Variants in KCNMB3 observed in about 807,000 individuals in gnomAD.
KCNMB3 encodes calcium-activated potassium channel subunit beta-3.
A neutral mutation model predicts 11.9 loss-of-function variants in KCNMB3; 18 were observed. The ratio of observed to expected loss-of-function variants is 1.51; its 90% CI spans 1.04 to 2.23. The LOEUF is 2.23. Among genes scored for constraint, KCNMB3 ranks in the 30% most tolerant of loss-of-function variants. The probability of loss-of-function intolerance (pLI) is 0.00; values close to 1 mark genes in which losing one functional copy is unlikely to be tolerated. For missense variants in KCNMB3, 247 were observed against 329.4 expected, an observed-to-expected ratio of 0.75 and a Z score of 1.94; for synonymous variants, 78 against 119.2, an observed-to-expected ratio of 0.65 and a Z score of 2.25.
At chr3:179,248,325 A>G (rs956412510) in intron 1 of KCNMB3, among the ~76,000 whole-genome samples, 7 of 152,220 alleles carry the variant, frequency 4.6e-5, no homozygotes, top group Non-Finnish European at 8.8e-5. Flanking sequence ...CATATACTTA[A>G]TAAGTAGCAA....
At chr3:179,252,720 T>G (rs1209042805), upstream of KCNMB3, among the ~76,000 whole-genome samples, 35 of 151,506 alleles carry the variant, frequency 2.3e-4, no homozygotes, top group Non-Finnish European at 4.4e-5. Context: ...TTAATGAAAT[T>G]TGAACCTGTA....
At chr3:179,260,128 C>T (rs1449349011) in intron 1 of KCNMB3, 1 of 1,605,900 alleles carries the variant, frequency 6.2e-7, no homozygotes, top group Admixed American at 1.7e-5. Flanking sequence ...GGACATGAGG[C>T]CACTGTGTCT....
chr3:179,266,937 CT>C, exon 1 of KCNMB3: 1 of 1,358,768 alleles, frequency 7.4e-7, no homozygotes, highest in Non-Finnish European at 9.5e-7. Flanking sequence ...GCGGTCAGTT[CT>C]AGATGATCAA....
At chr3:179,243,738 G>GACCCACA (rs981088918) in intron 2 of KCNMB3, among the ~76,000 whole-genome samples, 24 of 152,168 alleles carry the variant, frequency 1.6e-4, no homozygotes, top group African/African-American at 5.8e-4. Flanking sequence ...TTTTGCTCTA[G>GACCCACA]ACTCACAGAG....
At chr3:179,254,549 G>A (rs151096436), upstream of KCNMB3, among the ~76,000 whole-genome samples, 138 of 152,268 alleles carry the variant, frequency 9.1e-4, no homozygotes, top group African/African-American at 2.9e-3. Flanking sequence ...AATGGCTCAC[G>A]CCTGTAATCC....
chr3:179,248,498 T>G (rs1053322839), intron 1 of KCNMB3, among the ~76,000 whole-genome samples: 6 of 151,914 alleles, frequency 3.9e-5, no homozygotes, highest in Non-Finnish European at 7.4e-5. Flanking sequence ...GAGACCAAGG[T>G]AGAAGGATGA....
intron 1 of KCNMB3, among the ~76,000 whole-genome samples, chr3:179,246,912 A>G (rs1317895401): frequency 6.6e-6 from 1 of 152,222 alleles, no homozygotes; most frequent in Non-Finnish European, 1.5e-5. Context: ...CTAAAAAATA[A>G]GCATGTTCCT....
intron 1 of KCNMB3, chr3:179,259,153 C>G (rs1726118875): frequency 6.4e-7 from 1 of 1,568,232 alleles, no homozygotes; most frequent in African/African-American, 1.4e-5. Context: ...CTATTGCTGT[C>G]TAAAGCTTTC....
upstream of KCNMB3, among the ~76,000 whole-genome samples, chr3:179,252,818 G>A (rs1053954514): frequency 3.3e-4 from 48 of 147,466 alleles, no homozygotes; most frequent in African/African-American, 1.0e-3. Context: ...TGCAACCTCC[G>A]TCTCCCGGGT....
intron 1 of KCNMB3, among the ~76,000 whole-genome samples, chr3:179,264,578 G>A (rs1260526265): frequency 6.6e-6 from 1 of 152,106 alleles, no homozygotes; most frequent in Non-Finnish European, 1.5e-5. Flanking sequence ...TTCCCACCCA[G>A]CCCAAGTACG....
At chr3:179,260,590 C>A in intron 1 of KCNMB3, 1 of 1,505,554 alleles carries the variant, frequency 6.6e-7, no homozygotes, top group Non-Finnish European at 9.2e-7. Flanking sequence ...GGGCATTTAA[C>A]TCTTCTTTCG....
intron 1 of KCNMB3, among the ~76,000 whole-genome samples, chr3:179,245,374 A>G (rs557369381): frequency 6.6e-6 from 1 of 152,340 alleles, no homozygotes; most frequent in Admixed American, 6.5e-5. Context: ...TCAGTAGAAT[A>G]CTTACCATAT....
At chr3:179,259,552 G>GT in intron 1 of KCNMB3, 1 of 1,610,220 alleles carries the variant, frequency 6.2e-7, no homozygotes, top group East Asian at 2.2e-5. Flanking sequence ...GCAATTTTCT[G>GT]TTTTGGATTT....
upstream of KCNMB3, among the ~76,000 whole-genome samples, chr3:179,252,731 C>CTTTT (rs386398672): frequency 7.8e-6 from 1 of 128,570 alleles, no homozygotes; most frequent in African/African-American, 3.0e-5. Context: ...TGAACCTGTA[C>CTTTT]TTTTTTTTTT....
intron 1 of KCNMB3, chr3:179,260,244 C>T: frequency 6.2e-7 from 1 of 1,613,950 alleles, no homozygotes; most frequent in Non-Finnish European, 8.5e-7. Context: ...AGTTCTGGTC[C>T]TGTCATCTGG....
chr3:179,264,539 T>C lies in KCNMB3; in HGVS notation c.62+2110A>G, dbSNP rs567082024. Among the ~76,000 whole-genome samples, 4 of 152,314 alleles carry C rather than the reference T, an allele frequency of 2.6e-5. No homozygotes were observed. In the South Asian group the frequency reaches 8.3e-4, roughly 32 times the overall value. Reference sequence around the variant, plus strand: ...AATCAAGGCAATATCCACCACCTTCTATTCTCTTCACTGCAGATAGGACTG... The same window carrying C: ...AATCAAGGCAATATCCACCACCTTCCATTCTCTTCACTGCAGATAGGACTG... On this transcript the variant is annotated intron_variant, in intron 1 of 3. Transcript: ENST00000349697.
At chr3:179,240,363 G>C (rs991804260), downstream of KCNMB3, 1 of 267,230 alleles carries the variant, frequency 3.7e-6, no homozygotes, top group Non-Finnish European at 7.1e-6. Context: ...AGAATTATAT[G>C]CTTGTATTTT....
chr3:179,266,761 G>A (rs1003309103), exon 1 of KCNMB3: 22 of 1,607,274 alleles, frequency 1.4e-5, no homozygotes, highest in Non-Finnish European at 1.6e-5. Context: ...TCATGCCCCT[G>A]CGGGCGCAAG....
intron 1 of KCNMB3, among the ~76,000 whole-genome samples, chr3:179,249,171 C>T (rs973297140): frequency 1.3e-5 from 2 of 150,986 alleles, no homozygotes; most frequent in East Asian, 2.0e-4. Flanking sequence ...CGCCACCGTG[C>T]CCAGCTAATT....
Sources: allele counts gnomAD v4.1 joint callset (sites outside exome capture counted in the v4.1 genomes callset), GRCh38; gene constraint gnomAD v4.1.1; transcripts MANE v1.5; gene names NCBI Gene and HGNC (gene_info 2026-07-23, HGNC 2026-07-21).